ACACA: variants seen among roughly 807,000 people sequenced by gnomAD.
ACACA encodes the protein acetyl-CoA carboxylase alpha.
Under a neutral mutation model 296.1 loss-of-function variants are expected in ACACA, and 103 were observed. The ratio of observed to expected loss-of-function variants is 0.35; its 90% CI spans 0.30 to 0.41. The LOEUF (loss-of-function observed/expected upper bound fraction) is 0.41. ACACA is among the 10% of genes least tolerant of loss of function. The pLI, the probability that ACACA is intolerant of heterozygous loss-of-function variation, is 1.00. For missense variants in ACACA, 1,554 were observed against 2,989.7 expected, an observed-to-expected ratio of 0.52 and a Z score of 11.20; for synonymous variants, 953 against 1,038.6, an observed-to-expected ratio of 0.92 and a Z score of 1.58.
intron 19 of ACACA, 84 bp from the exon 20 acceptor site, chr17:37,245,298 A>G (rs1279481683): frequency 1.8e-5 from 26 of 1,448,506 alleles, no homozygotes; most frequent in Non-Finnish European, 2.5e-5. Context: ...TTCCCTTAGC[A>G]TCTAAGTTGG....
Position 37,195,521 on chromosome 17 carries a change from C to CT in ACACA, c.4159-2107dup, listed in dbSNP as rs921042474. The stretch of plus-strand genomic sequence containing the variant: ...AGTTGTCATGAGATCATATAAACAA[C>CT]TTTTTTTTTTTAAACTTCTGAGTAA... On this transcript the variant is annotated intron_variant, in intron 35 of 55. Transcript: ENST00000616317. 3.5e-4 allele frequency among the ~76,000 whole-genome samples: 52 copies of CT among 147,748 alleles called. 1 individual carries two copies. Among genetic ancestry groups the CT allele is most frequent in the South Asian group, 3.2e-3 (15 of 4,676 alleles).
chr17:37,092,703 T>C (rs545643121), intron 54 of ACACA, among the ~76,000 whole-genome samples: 13 of 152,170 alleles, frequency 8.5e-5, no homozygotes, highest in Non-Finnish European at 1.8e-4. Flanking sequence ...CTGATTACTA[T>C]ACCCTACTAA....
intron 1 of ACACA, among the ~76,000 whole-genome samples, chr17:37,404,430 G>C (rs1309497320): frequency 6.6e-6 from 1 of 151,972 alleles, no homozygotes; most frequent in Non-Finnish European, 1.5e-5. Context: ...ACGTTGCCTA[G>C]ACTGGTCTCA....
intron 3 of ACACA, among the ~76,000 whole-genome samples, chr17:37,302,074 T>C (rs2083645190): frequency 6.6e-6 from 1 of 151,756 alleles, no homozygotes; most frequent in South Asian, 2.1e-4. Flanking sequence ...GCCATCTGGG[T>C]TCAAGCGATT....
intron 1 of ACACA, among the ~76,000 whole-genome samples, chr17:37,354,764 C>T (rs1311952456): frequency 6.6e-6 from 1 of 151,850 alleles, no homozygotes; most frequent in Non-Finnish European, 1.5e-5. Flanking sequence ...CACTCCACCC[C>T]ACAAAAAAAA....
Position 37,161,784 on chromosome 17 carries a change from G to T in ACACA, c.5346C>A (p.Tyr1782Ter). Residue 1782 changes from tyrosine (Y) to a stop codon, truncating the protein, a stop_gained, in exon 42 of 56, where the codon TAC (tyrosine) becomes TAA (stop). Transcript: ENST00000616317. LOFTEE classifies it high-confidence loss of function. Reference sequence around the variant, plus strand: ...AGTATATGCTCTTAGTGTGTACCTTGTAAGGATCCTCAGGATCTACCCAGG... The same window carrying T: ...AGTATATGCTCTTAGTGTGTACCTTTTAAGGATCCTCAGGATCTACCCAGG... Reference protein sequence around the residue: ...HVAWVDPEDPYKGYRYLYLTP... With the variant: ...HVAWVDPEDP 1 of 1,610,502 alleles carries T rather than the reference G, an allele frequency of 6.2e-7. No individual in the cohort carries two copies.
rs138341421 is a variant in ACACA, at chr17:37,287,673, G to A, written c.339-2703C>T. 3.7e-3 allele frequency among the ~76,000 whole-genome samples: 564 copies of A among 151,816 alleles called. 5 individuals carry two copies. The highest frequency in any genetic ancestry group is 5.0e-3 in the Non-Finnish European group (338 of 67,910). On this transcript the variant is annotated intron_variant, in intron 3 of 55. Transcript: ENST00000616317. ...TGGGAGAATCACTTGAACCCAGGGG[G>A]CGGAGGTTGCAGTGAGCAGAGATCA...
chr17:37,338,193 A>ACT (rs2048217362), intron 2 of ACACA, among the ~76,000 whole-genome samples: 1 of 149,178 alleles, frequency 6.7e-6, no homozygotes, highest in Non-Finnish European at 1.5e-5. Context: ...TCACCACTGC[A>ACT]CTCCAGCCTG....
intron 3 of ACACA, among the ~76,000 whole-genome samples, chr17:37,319,650 C>G (rs200732094): frequency 6.6e-6 from 1 of 151,630 alleles, no homozygotes. Flanking sequence ...TGGTGAGACC[C>G]CATCTCTACA....
chr17:37,401,513 T>C (rs910645325), intron 1 of ACACA, among the ~76,000 whole-genome samples: 1 of 151,562 alleles, frequency 6.6e-6, no homozygotes, highest in Non-Finnish European at 1.5e-5. Flanking sequence ...ACTTATCTGA[T>C]GTAGGGGTCG....
At chr17:37,391,532 T>A (rs1241066351) in intron 1 of ACACA, 1 of 880,404 alleles carries the variant, frequency 1.1e-6, no homozygotes. Flanking sequence ...AGAGGCAAAA[T>A]GAAGTGCACT....
intron 1 of ACACA, among the ~76,000 whole-genome samples, chr17:37,390,175 T>TATATATATATATACACAC (rs60788220): frequency 3.1e-4 from 14 of 44,512 alleles, no homozygotes; most frequent in African/African-American, 9.3e-4. Context: ...TATATATATA[T>TATATATATATATACACAC]ACACACACAC....
chr17:37,316,423 T>C (rs570484538), intron 3 of ACACA, among the ~76,000 whole-genome samples: 77 of 152,128 alleles, frequency 5.1e-4, no homozygotes, highest in Non-Finnish European at 9.3e-4. Flanking sequence ...ACAGAACTCA[T>C]TGAGCCCACC....
chr17:37,098,066 C>T, intron 52 of ACACA, 82 bp from the exon 53 acceptor site: 1 of 1,566,366 alleles, frequency 6.4e-7, no homozygotes, highest in Non-Finnish European at 8.8e-7. Flanking sequence ...TCACGGGAAG[C>T]TCAACATCAG....
intron 3 of ACACA, among the ~76,000 whole-genome samples, chr17:37,322,525 A>G (rs2047403236): frequency 6.6e-6 from 1 of 152,156 alleles, no homozygotes; most frequent in Admixed American, 6.5e-5. Flanking sequence ...ACCTGTACCT[A>G]TGGACCTAAG....
chr17:37,249,800 C>T (rs927539679), intron 16 of ACACA, among the ~76,000 whole-genome samples: 1 of 152,236 alleles, frequency 6.6e-6, no homozygotes, highest in Non-Finnish European at 1.5e-5. Context: ...TATGGTTCGG[C>T]TGTGTTCCCA....
At chr17:37,138,662 A>C (rs774624920) in intron 45 of ACACA, among the ~76,000 whole-genome samples, 12 of 152,300 alleles carry the variant, frequency 7.9e-5, no homozygotes, top group African/African-American at 1.4e-4. Context: ...CTTTCCCCAA[A>C]GTTGTAAGAG....
At chr17:37,107,741 T>G (rs183806201) in intron 52 of ACACA, among the ~76,000 whole-genome samples, 1 of 152,338 alleles carries the variant, frequency 6.6e-6, no homozygotes, top group East Asian at 1.9e-4. Flanking sequence ...TGCTCTTCAT[T>G]TTGAGAGAGA....
At chr17:37,092,417 A>G (rs1289331265) in intron 54 of ACACA, among the ~76,000 whole-genome samples, 3 of 152,218 alleles carry the variant, frequency 2.0e-5, no homozygotes, top group Non-Finnish European at 4.4e-5. Flanking sequence ...GTATCAGAAC[A>G]TTTTATCAAT....
Sources: allele counts gnomAD v4.1 joint callset (sites outside exome capture counted in the v4.1 genomes callset), GRCh38; gene constraint gnomAD v4.1.1; transcripts MANE v1.5; gene names NCBI Gene and HGNC (gene_info 2026-07-23, HGNC 2026-07-21).